The following CREB5 variants were observed in gnomAD, a reference collection of about 807,000 sequenced individuals.
CREB5 encodes the protein cyclic AMP-responsive element-binding protein 5.
Under a neutral mutation model 57.1 loss-of-function variants are expected in CREB5, and 19 were observed. That is an observed-to-expected ratio of 0.33 (90% confidence interval 0.23 to 0.49). CREB5 has a LOEUF of 0.49. Among genes scored for constraint, CREB5 ranks in the 20% least tolerant of loss-of-function variants. The probability of loss-of-function intolerance (pLI) is 0.99; values close to 1 mark genes in which losing one functional copy is unlikely to be tolerated. For synonymous variants in CREB5, 238 were observed against 238.3 expected (o/e 1.00, Z 0.01); for missense variants, 579 against 671.6 (o/e 0.86, Z 1.52).
chr7:28,490,178 A>G (rs2128595423), intron 2 of CREB5, among the ~76,000 whole-genome samples: 1 of 152,374 alleles, frequency 6.6e-6, no homozygotes. Flanking sequence ...AACAGTAATC[A>G]CAAGACATAT....
intron 1 of CREB5, among the ~76,000 whole-genome samples, chr7:28,475,858 C>G (rs1229448923): frequency 6.6e-6 from 1 of 152,158 alleles, no homozygotes; most frequent in Admixed American, 6.5e-5. Flanking sequence ...AAAACAGACA[C>G]GTGCAGCTCC....
intron 5 of CREB5, chr7:28,615,614 G>C: frequency 6.6e-6 from 1 of 152,374 alleles, no homozygotes; most frequent in African/African-American, 2.4e-5. Context: ...GTCTGCTTTT[G>C]CATGAGCTTA....
Position 28,658,962 on chromosome 7 carries a change from T to TAC in CREB5, c.465-59790_465-59789insCA, listed in dbSNP as rs1253091666. On this transcript the variant is annotated intron_variant, in intron 5 of 10. Coordinates refer to ENST00000357727, the MANE Select transcript of CREB5 (RefSeq NM_182898.4). Reference sequence around the variant, plus strand: ...TTATATGTGTGTGTGTGTATATATATATATATATATATATATATGTATATA... The same window carrying TAC: ...TTATATGTGTGTGTGTGTATATATATACATATATATATATATATATGTATATA... 2.6e-4 allele frequency among the ~76,000 whole-genome samples: 36 copies of TAC among 137,754 alleles called. 1 individual carries two copies. The highest frequency in any genetic ancestry group is 9.3e-4 in the African/African-American group (36 of 38,524). 90.4% of individuals were successfully genotyped at this position (137,754 alleles called of 152,430 possible).
chr7:28,621,191 T>A (rs1024035124), intron 5 of CREB5, among the ~76,000 whole-genome samples: 3 of 150,506 alleles, frequency 2.0e-5, no homozygotes, highest in Non-Finnish European at 4.4e-5. Flanking sequence ...GGATTCGGGG[T>A]TGGGGGGTGG....
intron 5 of CREB5, among the ~76,000 whole-genome samples, chr7:28,574,515 ATTC>A (rs1795830972): frequency 6.6e-6 from 1 of 152,202 alleles, no homozygotes; most frequent in South Asian, 2.1e-4. Flanking sequence ...AACTAAGTTG[ATTC>A]TTCTTTATGG....
At chr7:28,335,682 A>G (rs951918026) in intron 1 of CREB5, among the ~76,000 whole-genome samples, 13 of 151,966 alleles carry the variant, frequency 8.6e-5, no homozygotes, top group Non-Finnish European at 1.2e-4. Flanking sequence ...TCTAATTTGG[A>G]TGCCCTTTAT....
intron 1 of CREB5, among the ~76,000 whole-genome samples, chr7:28,359,447 A>G (rs1786415907): frequency 6.6e-6 from 1 of 152,212 alleles, no homozygotes; most frequent in Non-Finnish European, 1.5e-5. Flanking sequence ...TTTGACAAAG[A>G]TACCAAGAAC....
At chr7:28,473,484 G>A (rs1790918254) in intron 1 of CREB5, among the ~76,000 whole-genome samples, 1 of 151,942 alleles carries the variant, frequency 6.6e-6, no homozygotes, top group South Asian at 2.1e-4. Context: ...TTGTTTCTTT[G>A]CCTTGTAAGG....
At chr7:28,651,058 T>TTCTAGCAATGGGAA (rs1334523068) in intron 5 of CREB5, among the ~76,000 whole-genome samples, 2 of 152,308 alleles carry the variant, frequency 1.3e-5, no homozygotes, top group East Asian at 3.9e-4. Flanking sequence ...TAAAGACAGT[T>TTCTAGCAATGGGAA]CATTGCTAGA....
chr7:28,433,211 T>C (rs1256112628), intron 1 of CREB5, among the ~76,000 whole-genome samples: 1 of 152,204 alleles, frequency 6.6e-6, no homozygotes, highest in Non-Finnish European at 1.5e-5. Context: ...TGATACATTT[T>C]GCTAAACTGC....
chr7:28,448,526 G>A (rs1221894329), intron 1 of CREB5, among the ~76,000 whole-genome samples: 1 of 152,178 alleles, frequency 6.6e-6, no homozygotes, highest in Non-Finnish European at 1.5e-5. Context: ...TAGTGTTAGT[G>A]ACATGGAGCT....
intron 5 of CREB5, among the ~76,000 whole-genome samples, chr7:28,581,977 C>G (rs1034967551): frequency 6.6e-6 from 1 of 152,194 alleles, no homozygotes; most frequent in Non-Finnish European, 1.5e-5. Flanking sequence ...TGCTATTACC[C>G]TTTGCACAAA....
intron 4 of CREB5, among the ~76,000 whole-genome samples, chr7:28,528,032 A>G (rs1222324813): frequency 1.3e-5 from 2 of 152,194 alleles, no homozygotes; most frequent in Non-Finnish European, 2.9e-5. Context: ...GGGCACAATT[A>G]CATGTGCGGG....
intron 7 of CREB5, among the ~76,000 whole-genome samples, chr7:28,795,381 T>C (rs1177227398): frequency 6.6e-6 from 1 of 152,244 alleles, no homozygotes; most frequent in Non-Finnish European, 1.5e-5. Flanking sequence ...ACTAGCTTTG[T>C]ATTATACACA....
intron 10 of CREB5, among the ~76,000 whole-genome samples, chr7:28,818,388 A>G (rs1228279380): frequency 6.6e-6 from 1 of 152,078 alleles, no homozygotes; most frequent in Non-Finnish European, 1.5e-5. Flanking sequence ...ACCTCCTGAT[A>G]ATTTCTGGCC....
In CREB5 at chr7:28,412,711, G is replaced by A; in HGVS notation, c.-204G>A. ...GTCTAGGAGGTACCTCTGGGTTGCA[G>A]AAGTAATTGTAAAATACCAGACCTG... On this transcript the variant is annotated 5_prime_UTR_variant, in exon 1 of 11. Transcript: ENST00000357727. 2.4e-6 allele frequency: 1 copy of A among 409,284 alleles called. No individual in the cohort carries two copies. The highest frequency in any genetic ancestry group is 4.3e-6 in the Non-Finnish European group (1 of 234,534). The allele number at this position is 409,284 out of a possible 1,614,324, so 25.4% of individuals were successfully genotyped here.
intron 5 of CREB5, among the ~76,000 whole-genome samples, chr7:28,619,058 C>T (rs970522460): frequency 2.0e-5 from 3 of 152,214 alleles, no homozygotes; most frequent in African/African-American, 7.2e-5. Flanking sequence ...AAAATAGCCA[C>T]TCTCATTGGG....
intron 5 of CREB5, among the ~76,000 whole-genome samples, chr7:28,698,697 C>T (rs1801697483): frequency 6.6e-6 from 1 of 152,130 alleles, no homozygotes; most frequent in South Asian, 2.1e-4. Flanking sequence ...TGTGGAAATG[C>T]TATGTTTTAT....
chr7:28,355,255 G>A (rs770000553), intron 1 of CREB5, among the ~76,000 whole-genome samples: 3 of 152,190 alleles, frequency 2.0e-5, no homozygotes, highest in Non-Finnish European at 2.9e-5. Context: ...AAGCGTGCAT[G>A]TGCAGCACCT....
Sources: gnomAD v4.1 joint callset for allele counts (sites outside exome capture counted in the v4.1 genomes callset) on GRCh38, gnomAD v4.1.1 for gene constraint, MANE v1.5 for transcripts, NCBI Gene and HGNC (gene_info 2026-07-23, HGNC 2026-07-21) for gene names.